KCTD8: variants seen among roughly 807,000 people sequenced by gnomAD.
KCTD8 encodes BTB/POZ domain-containing protein KCTD8.
In KCTD8, 27 loss-of-function variants were observed where a neutral mutation model predicts 31.5. The observed-to-expected ratio is 0.86, with a 90% confidence interval of 0.63 to 1.18. The LOEUF (loss-of-function observed/expected upper bound fraction) is 1.18. Ranked by LOEUF, KCTD8 falls within the 50% of genes most tolerant of loss-of-function variation. The pLI, the probability that KCTD8 is intolerant of heterozygous loss-of-function variation, is 0.00. For missense variants in KCTD8, 658 were observed against 647.7 expected (o/e 1.02, Z -0.17); for synonymous variants, 290 against 280.0 (o/e 1.04, Z -0.36).
At chr4:44,421,504 C>G (rs1331553029) in intron 1 of KCTD8, among the ~76,000 whole-genome samples, 2 of 151,964 alleles carry the variant, frequency 1.3e-5, no homozygotes, top group Non-Finnish European at 2.9e-5. Context: ...TAACAAGAAC[C>G]CTAGGTGATG....
Position 44,225,748 on chromosome 4 carries a change from G to C in KCTD8, c.962-50498C>G, listed in dbSNP as rs963671157. On this transcript the variant is annotated intron_variant, in intron 1 of 1. Transcript: ENST00000360029. The stretch of plus-strand genomic sequence containing the variant: ...ATACATGTGCAGAACATGCAGATTT[G>C]TTATGTACATATACGTGTGCCATGG... Among the ~76,000 whole-genome samples the C allele has an allele frequency of 3.4e-5, 5 of 146,178 alleles. No homozygotes were observed. In the Admixed American group the frequency reaches 3.4e-4, roughly 10 times the overall value.
At position 44,427,950 on chromosome 4, in the gene KCTD8, C is replaced by T. The variant is rs115980491; in HGVS notation, c.961+19613G>A. ...AAAATAAAACTATGAAGTTAATAAA[C>T]GTACAATGTTTCCCTTGTCATTTTT... On this transcript the variant is annotated intron_variant, in intron 1 of 1. Transcript: ENST00000360029. Among the ~76,000 whole-genome samples, 1,126 of 151,732 alleles carry T rather than the reference C, an allele frequency of 7.4e-3. 17 individuals carry two copies. The highest frequency in any genetic ancestry group is 0.025 in the African/African-American group (1,047 of 41,450).
intron 1 of KCTD8, among the ~76,000 whole-genome samples, chr4:44,212,399 GA>G (rs765210052): frequency 2.0e-5 from 3 of 152,074 alleles, no homozygotes; most frequent in Admixed American, 6.6e-5. Flanking sequence ...GTATATGTGG[GA>G]AATTAGTTCC....
chr4:44,225,945 C>T (rs1714948184), intron 1 of KCTD8, among the ~76,000 whole-genome samples: 1 of 151,528 alleles, frequency 6.6e-6, no homozygotes, highest in Non-Finnish European at 1.5e-5. Flanking sequence ...CTCAGCCTCC[C>T]GAGTAGCTGG....
intron 1 of KCTD8, among the ~76,000 whole-genome samples, chr4:44,269,452 G>C (rs1373969089): frequency 6.6e-6 from 1 of 151,160 alleles, no homozygotes. Context: ...AGAAAACCTA[G>C]GCATTACCAT....
intron 1 of KCTD8, among the ~76,000 whole-genome samples, chr4:44,221,289 C>A (rs1018401004): frequency 6.6e-6 from 1 of 151,932 alleles, no homozygotes; most frequent in African/African-American, 2.4e-5. Context: ...TTCCATTGAG[C>A]TGCATTTTGC....
chr4:44,175,252 T>TA lies in KCTD8; in HGVS notation c.962-3dup. ...GTGATACTATTTTCTGAGGTGGTCC[T>TA]AAAAAGGAGGAAAAAAAAAGAAGAA... On this transcript the variant is annotated splice_polypyrimidine_tract_variant and splice_region_variant and intron_variant, in intron 1 of 1. Coordinates refer to ENST00000360029, the MANE Select transcript of KCTD8 (RefSeq NM_198353.3). 6.7e-7 allele frequency: 1 copy of TA among 1,500,452 alleles called. No homozygotes were observed. The allele number at this position is 1,500,452 out of a possible 1,614,324, so 92.9% of individuals were successfully genotyped here.
intron 1 of KCTD8, among the ~76,000 whole-genome samples, chr4:44,209,497 T>TAC (rs142003669): frequency 0.035 from 5,253 of 149,282 alleles, 150 homozygotes; most frequent in Non-Finnish European, 0.047. Flanking sequence ...GCTACACACA[T>TAC]ACACACACAC....
intron 1 of KCTD8, among the ~76,000 whole-genome samples, chr4:44,301,549 CT>C (rs1450289394): frequency 1.3e-5 from 2 of 152,228 alleles, no homozygotes; most frequent in East Asian, 3.9e-4. Context: ...CCTTTGCCCA[CT>C]TTTTGATGGG....
intron 1 of KCTD8, among the ~76,000 whole-genome samples, chr4:44,242,293 G>A (rs1715525734): frequency 1.3e-5 from 2 of 152,170 alleles, no homozygotes; most frequent in Admixed American, 1.3e-4. Context: ...AAAACTTGTT[G>A]ATAGGCCGGG....
intron 1 of KCTD8, among the ~76,000 whole-genome samples, chr4:44,215,426 G>A (rs1714620074): frequency 6.6e-6 from 1 of 152,056 alleles, no homozygotes; most frequent in African/African-American, 2.4e-5. Context: ...TAGAGAATAG[G>A]ATCTTAGTTG....
At chr4:44,358,514 G>A (rs896657371) in intron 1 of KCTD8, among the ~76,000 whole-genome samples, 1 of 151,926 alleles carries the variant, frequency 6.6e-6, no homozygotes, top group Non-Finnish European at 1.5e-5. Flanking sequence ...CCCACCAACA[G>A]TGTCCAAGTG....
At chr4:44,304,095 T>A (rs1198184542) in intron 1 of KCTD8, among the ~76,000 whole-genome samples, 1 of 152,134 alleles carries the variant, frequency 6.6e-6, no homozygotes, top group Non-Finnish European at 1.5e-5. Context: ...ATTATCCAAC[T>A]TGAGACACCA....
At chr4:44,199,154 G>T (rs1020070463) in intron 1 of KCTD8, among the ~76,000 whole-genome samples, 3 of 151,984 alleles carry the variant, frequency 2.0e-5, no homozygotes, top group African/African-American at 7.2e-5. Context: ...CACAAAACAA[G>T]TTCTTTTTGA....
intron 1 of KCTD8, among the ~76,000 whole-genome samples, chr4:44,393,337 C>A (rs1331756224): frequency 6.6e-6 from 1 of 151,872 alleles, no homozygotes; most frequent in Non-Finnish European, 1.5e-5. Flanking sequence ...CATATTTGAT[C>A]TTCAAAATAA....
chr4:44,392,840 A>G (rs1006422901), intron 1 of KCTD8, among the ~76,000 whole-genome samples: 1 of 152,032 alleles, frequency 6.6e-6, no homozygotes, highest in Non-Finnish European at 1.5e-5. Context: ...TATAAATTTT[A>G]TTATAAACTA....
chr4:44,418,196 C>T (rs955850413), intron 1 of KCTD8, among the ~76,000 whole-genome samples: 8 of 151,546 alleles, frequency 5.3e-5, no homozygotes, highest in African/African-American at 9.7e-5. Context: ...CTTTAAAAGA[C>T]GACAATGGAA....
chr4:44,319,947 A>G (rs1201624234), intron 1 of KCTD8, among the ~76,000 whole-genome samples: 1 of 151,932 alleles, frequency 6.6e-6, no homozygotes, highest in Non-Finnish European at 1.5e-5. Flanking sequence ...CAAGGCAGGC[A>G]GATTACCTGA....
intron 1 of KCTD8, among the ~76,000 whole-genome samples, chr4:44,370,501 T>C (rs1472371216): frequency 6.6e-6 from 1 of 152,202 alleles, no homozygotes; most frequent in Non-Finnish European, 1.5e-5. Context: ...TTTTCAACAA[T>C]GCCTCAAGGA....
Sources: gnomAD v4.1 joint callset for allele counts (sites outside exome capture counted in the v4.1 genomes callset) on GRCh38, gnomAD v4.1.1 for gene constraint, MANE v1.5 for transcripts, NCBI Gene and HGNC (gene_info 2026-07-23, HGNC 2026-07-21) for gene names.